HNF4G: variants seen among roughly 807,000 people sequenced by gnomAD.
HNF4G encodes the protein hepatocyte nuclear factor 4-gamma.
In HNF4G, 21 loss-of-function variants were observed where a neutral mutation model predicts 50.9. The observed-to-expected ratio is 0.41, with a 90% CI of 0.29 to 0.59. The LOEUF is 0.59. Among genes scored for constraint, HNF4G ranks in the 20% least tolerant of loss-of-function variants. HNF4G has a pLI of 0.26. For synonymous variants in HNF4G, 198 were observed against 185.6 expected (o/e 1.07, Z -0.54); for missense variants, 527 against 559.4 (o/e 0.94, Z 0.58).
intron 1 of HNF4G, among the ~76,000 whole-genome samples, chr8:75,415,491 A>G (rs1290375971): frequency 1.3e-5 from 2 of 152,226 alleles, no homozygotes; most frequent in African/African-American, 4.8e-5. Context: ...TCAAAAATAA[A>G]GAGTAGCCTG....
intron 2 of HNF4G, among the ~76,000 whole-genome samples, chr8:75,525,465 GC>G (rs1368501706): frequency 1.3e-5 from 2 of 152,150 alleles, no homozygotes; most frequent in Non-Finnish European, 1.5e-5. Context: ...ACCGCAACCG[GC>G]CTCCATTGGT....
At chr8:75,443,559 C>T (rs1315644747) in intron 1 of HNF4G, among the ~76,000 whole-genome samples, 1 of 152,132 alleles carries the variant, frequency 6.6e-6, no homozygotes, top group Non-Finnish European at 1.5e-5. Flanking sequence ...GAGAGTCTCA[C>T]TATGTTGCCC....
At chr8:75,527,619 C>T (rs750976163) in intron 2 of HNF4G, among the ~76,000 whole-genome samples, 1 of 152,110 alleles carries the variant, frequency 6.6e-6, no homozygotes, top group Non-Finnish European at 1.5e-5. Context: ...TCCAAGAATA[C>T]AACTATAAAA....
intron 1 of HNF4G, among the ~76,000 whole-genome samples, chr8:75,435,206 T>A (rs1811108272): frequency 1.3e-5 from 2 of 152,162 alleles, no homozygotes; most frequent in South Asian, 4.1e-4. Flanking sequence ...AAAAGATAAA[T>A]CATGATCACA....
intron 1 of HNF4G, among the ~76,000 whole-genome samples, chr8:75,452,628 G>A (rs1436258904): frequency 6.6e-6 from 1 of 151,832 alleles, no homozygotes; most frequent in Non-Finnish European, 1.5e-5. Flanking sequence ...CTGAGGCAGG[G>A]AAATGGCGTG....
chr8:75,543,893 A>T lies in HNF4G; in HGVS notation c.201A>T (p.Thr67=), dbSNP rs1208601097. ...GTGCTATCTGTGGGGACAGAGCAACAGGAAAACACTATGGGGCATCCAGCT... is the reference window on the plus strand; with the variant it reads ...GTGCTATCTGTGGGGACAGAGCAACTGGAAAACACTATGGGGCATCCAGCT... The part of the protein sequence containing the change: ...CLCAICGDRA[T]GKHYGASSCD... The change falls in exon 2 of 10, where the codon ACA becomes ACT. Residue 67 remains threonine, a synonymous_variant. Transcript: ENST00000396423. 6.2e-7 allele frequency: 1 copy of T among 1,613,896 alleles called. No homozygotes were observed. Among genetic ancestry groups the T allele is most frequent in the Admixed American group, 1.7e-5 (1 of 59,976 alleles).
intron 2 of HNF4G, among the ~76,000 whole-genome samples, chr8:75,514,641 G>T (rs879100767): frequency 6.6e-6 from 1 of 151,836 alleles, no homozygotes; most frequent in African/African-American, 2.4e-5. Context: ...GTGAGCCACT[G>T]CACCCGGCCC....
chr8:75,516,313 C>T (rs918837289), intron 2 of HNF4G, among the ~76,000 whole-genome samples: 1 of 151,844 alleles, frequency 6.6e-6, no homozygotes, highest in Non-Finnish European at 1.5e-5. Flanking sequence ...ATAAGTCTTC[C>T]TCTTTTACCT....
At chr8:75,453,466 T>C (rs1322784369) in intron 1 of HNF4G, among the ~76,000 whole-genome samples, 1 of 152,022 alleles carries the variant, frequency 6.6e-6, no homozygotes, top group Non-Finnish European at 1.5e-5. Context: ...AGGACATGGG[T>C]GGGGACAAAT....
intron 2 of HNF4G, among the ~76,000 whole-genome samples, chr8:75,491,283 T>G (rs1329683057): frequency 1.3e-5 from 2 of 152,102 alleles, no homozygotes; most frequent in Non-Finnish European, 2.9e-5. Context: ...TGATACAAAA[T>G]TTTTTTACTT....
At chr8:75,471,501 A>G (rs896704575) in intron 1 of HNF4G, among the ~76,000 whole-genome samples, 1 of 152,214 alleles carries the variant, frequency 6.6e-6, no homozygotes, top group Non-Finnish European at 1.5e-5. Context: ...AGTTTTTTCA[A>G]GATGCTTTCT....
intron 2 of HNF4G, among the ~76,000 whole-genome samples, chr8:75,518,143 C>T (rs1805942755): frequency 8.1e-6 from 1 of 123,058 alleles, no homozygotes; most frequent in Admixed American, 8.5e-5. Context: ...CCCCCCTCCC[C>T]CCACCCCACA....
chr8:75,557,504 C>T (rs1350316877), intron 6 of HNF4G, among the ~76,000 whole-genome samples: 2 of 152,086 alleles, frequency 1.3e-5, no homozygotes, highest in Non-Finnish European at 2.9e-5. Context: ...GCCTGTAATC[C>T]CAGCTACTCT....
At chr8:75,434,565 A>G (rs1811093447) in intron 1 of HNF4G, among the ~76,000 whole-genome samples, 1 of 152,154 alleles carries the variant, frequency 6.6e-6, no homozygotes, top group African/African-American at 2.4e-5. Flanking sequence ...ATAAAAATGT[A>G]ATAAACAAGG....
At chr8:75,525,640 A>G (rs1264446453) in intron 2 of HNF4G, among the ~76,000 whole-genome samples, 1 of 152,178 alleles carries the variant, frequency 6.6e-6, no homozygotes, top group Non-Finnish European at 1.5e-5. Context: ...GATGAGATTG[A>G]ATATTTTGGT....
intron 1 of HNF4G, among the ~76,000 whole-genome samples, chr8:75,450,905 T>C (rs1032529437): frequency 6.6e-6 from 1 of 152,226 alleles, no homozygotes; most frequent in Non-Finnish European, 1.5e-5. Flanking sequence ...GTGTGTCTTG[T>C]GTGCTTTCTT....
chr8:75,474,765 T>A (rs930825475), intron 1 of HNF4G, among the ~76,000 whole-genome samples: 8 of 152,144 alleles, frequency 5.3e-5, no homozygotes, highest in Non-Finnish European at 1.2e-4. Flanking sequence ...TGGCGCGATC[T>A]TGGCTCACTG....
intron 2 of HNF4G, among the ~76,000 whole-genome samples, chr8:75,524,160 A>T (rs1331368002): frequency 6.6e-6 from 1 of 152,144 alleles, no homozygotes; most frequent in Non-Finnish European, 1.5e-5. Flanking sequence ...CCTATAGTGG[A>T]CACACATTTT....
intron 1 of HNF4G, among the ~76,000 whole-genome samples, chr8:75,478,721 T>C (rs1812300633): frequency 6.6e-6 from 1 of 151,302 alleles, no homozygotes; most frequent in South Asian, 2.1e-4. Flanking sequence ...CTTTTCTTTT[T>C]CTTTTTTCTT....
Sources: gnomAD v4.1 joint callset for allele counts (sites outside exome capture counted in the v4.1 genomes callset) on GRCh38, gnomAD v4.1.1 for gene constraint, MANE v1.5 for transcripts, NCBI Gene and HGNC (gene_info 2026-07-23, HGNC 2026-07-21) for gene names.